GRID2: variants seen among roughly 807,000 people sequenced by gnomAD.
GRID2 encodes the protein glutamate ionotropic receptor delta type subunit 2.
Under a neutral mutation model 114.8 loss-of-function variants are expected in GRID2, and 33 were observed. That is an observed-to-expected ratio of 0.29 (90% CI 0.22 to 0.38). The LOEUF (loss-of-function observed/expected upper bound fraction) is 0.38. Among genes scored for constraint, GRID2 ranks in the 10% least tolerant of loss-of-function variants. The pLI is 1.00. For missense variants in GRID2, 1,184 were observed against 1,257.7 expected (o/e 0.94, Z 0.89); for synonymous variants, 505 against 449.9 (o/e 1.12, Z -1.55).
chr4:93,163,366 A>ATATATATGTATATATATATATATACAC (rs1737889288), intron 4 of GRID2, among the ~76,000 whole-genome samples: 1 of 48,110 alleles, frequency 2.1e-5, no homozygotes, highest in African/African-American at 1.2e-4. Flanking sequence ...GTATATATAT[A>ATATATATGTATATATATATATATACAC]TATATATATA....
In GRID2 at chr4:93,765,213, A is replaced by G. The variant is rs111876094; in HGVS notation, c.2361-3997A>G. 3.6e-3 allele frequency among the ~76,000 whole-genome samples: 543 copies of G among 152,290 alleles called. 2 individuals carry two copies. Among genetic ancestry groups the G allele is most frequent in the African/African-American group, 0.013 (522 of 41,562 alleles). ...GACCATTCTGATGGAATTTCCAGGA[A>G]CACTAGATTTTGTAGCAAAATGTTA... On this transcript the variant is annotated intron_variant, in intron 14 of 15. Transcript: ENST00000282020.
At chr4:93,273,353 T>A (rs1751701949) in intron 8 of GRID2, among the ~76,000 whole-genome samples, 1 of 152,166 alleles carries the variant, frequency 6.6e-6, no homozygotes, top group Admixed American at 6.6e-5. Flanking sequence ...AATATCTGAA[T>A]GATTTCATTT....
chr4:93,398,235 A>G (rs1377593969), intron 9 of GRID2, among the ~76,000 whole-genome samples: 1 of 150,452 alleles, frequency 6.6e-6, no homozygotes, highest in Non-Finnish European at 1.5e-5. Context: ...TATCTGTATA[A>G]TGTTCATAAA....
At chr4:93,683,599 G>T (rs564028561) in intron 14 of GRID2, among the ~76,000 whole-genome samples, 2 of 152,016 alleles carry the variant, frequency 1.3e-5, no homozygotes, top group Non-Finnish European at 2.9e-5. Context: ...ACAATTGACA[G>T]CATTACTGCC....
At chr4:93,624,095 T>G (rs888031208) in intron 13 of GRID2, among the ~76,000 whole-genome samples, 1 of 152,164 alleles carries the variant, frequency 6.6e-6, no homozygotes, top group Admixed American at 6.5e-5. Context: ...TCTCTCTATG[T>G]ATTTATATTT....
chr4:93,006,080 C>G (rs576189072), intron 2 of GRID2, among the ~76,000 whole-genome samples: 13 of 152,168 alleles, frequency 8.5e-5, no homozygotes, highest in African/African-American at 3.1e-4. Flanking sequence ...AATATCACCT[C>G]TCACAAACAC....
intron 4 of GRID2, among the ~76,000 whole-genome samples, chr4:93,195,777 A>C (rs1372534740): frequency 6.6e-6 from 1 of 152,212 alleles, no homozygotes; most frequent in South Asian, 2.1e-4. Flanking sequence ...GAATTCTAAG[A>C]CATATAAATG....
intron 8 of GRID2, among the ~76,000 whole-genome samples, chr4:93,351,727 ATATTT>A (rs1760823010): frequency 6.6e-6 from 1 of 151,502 alleles, no homozygotes; most frequent in Non-Finnish European, 1.5e-5. Flanking sequence ...TATTATGTGA[ATATTT>A]TATAGATAAA....
At chr4:93,487,843 A>T (rs1168160425) in intron 11 of GRID2, among the ~76,000 whole-genome samples, 6 of 151,844 alleles carry the variant, frequency 4.0e-5, no homozygotes, top group Non-Finnish European at 8.8e-5. Flanking sequence ...CAGTGGGAGG[A>T]TTGTTCTGAA....
At chr4:93,401,927 T>C (rs1283876817) in intron 9 of GRID2, among the ~76,000 whole-genome samples, 1 of 56,696 alleles carries the variant, frequency 1.8e-5, no homozygotes, top group African/African-American at 4.4e-5. Flanking sequence ...TTGGAATTTC[T>C]TTTTTTTTTT....
Position 92,647,561 on chromosome 4 carries a change from T to C in GRID2, c.244+57275T>C, listed in dbSNP as rs1476906130. Reference sequence around the variant, plus strand: ...TTATAAAACTGTGGCTCCATAATGGTTTCTCATTATTTAGGTAAAGTGACA... The same window carrying C: ...TTATAAAACTGTGGCTCCATAATGGCTTCTCATTATTTAGGTAAAGTGACA... On this transcript the variant is annotated intron_variant, in intron 2 of 15. Coordinates refer to ENST00000282020, the MANE Select transcript of GRID2 (RefSeq NM_001510.4). Among the ~76,000 whole-genome samples the C allele has an allele frequency of 4.7e-5, 7 of 149,534 alleles. No individual in the cohort carries two copies. In the East Asian group the frequency reaches 1.2e-3, roughly 25 times the overall value.
chr4:93,743,470 A>C (rs1731582701), intron 14 of GRID2, among the ~76,000 whole-genome samples: 1 of 152,208 alleles, frequency 6.6e-6, no homozygotes, highest in African/African-American at 2.4e-5. Context: ...CCTGAGACTG[A>C]GTAATTTATA....
At chr4:92,432,734 C>T (rs1732523886) in intron 1 of GRID2, among the ~76,000 whole-genome samples, 1 of 152,160 alleles carries the variant, frequency 6.6e-6, no homozygotes, top group African/African-American at 2.4e-5. Context: ...TAGTACTCTA[C>T]ACAACTGTGG....
intron 2 of GRID2, among the ~76,000 whole-genome samples, chr4:92,645,216 C>G (rs1182515885): frequency 6.6e-6 from 1 of 151,572 alleles, no homozygotes; most frequent in Admixed American, 6.6e-5. Flanking sequence ...AGTTGATAGG[C>G]TTAATTCCAT....
At chr4:92,482,246 A>G (rs1188169220) in intron 1 of GRID2, among the ~76,000 whole-genome samples, 2 of 151,716 alleles carry the variant, frequency 1.3e-5, no homozygotes, top group East Asian at 3.9e-4. Flanking sequence ...GTCCTCACTT[A>G]TATGTGGGTG....
intron 3 of GRID2, among the ~76,000 whole-genome samples, chr4:93,108,632 T>A (rs1732473032): frequency 6.6e-6 from 1 of 151,710 alleles, no homozygotes; most frequent in Admixed American, 6.6e-5. Flanking sequence ...GTATTTTTTT[T>A]TTCTTTTTTT....
intron 2 of GRID2, among the ~76,000 whole-genome samples, chr4:93,006,322 G>A (rs1721519776): frequency 6.6e-6 from 1 of 152,040 alleles, no homozygotes; most frequent in Non-Finnish European, 1.5e-5. Flanking sequence ...GAGGAGAGGG[G>A]GAGACCTAGC....
At chr4:93,219,058 G>A (rs575784406) in intron 6 of GRID2, among the ~76,000 whole-genome samples, 1 of 152,158 alleles carries the variant, frequency 6.6e-6, no homozygotes, top group African/African-American at 2.4e-5. Flanking sequence ...TTGGGACACA[G>A]CCAAACCATA....
intron 1 of GRID2, among the ~76,000 whole-genome samples, chr4:92,537,387 A>T (rs1422946111): frequency 6.6e-6 from 1 of 152,174 alleles, no homozygotes; most frequent in Non-Finnish European, 1.5e-5. Flanking sequence ...CTAGATTGAT[A>T]TATTATTAGG....
Sources: gnomAD v4.1 joint callset for allele counts (sites outside exome capture counted in the v4.1 genomes callset) on GRCh38, gnomAD v4.1.1 for gene constraint, MANE v1.5 for transcripts, NCBI Gene and HGNC (gene_info 2026-07-23, HGNC 2026-07-21) for gene names.